Variants in SMARCA2 observed in about 807,000 individuals in gnomAD.
SMARCA2 encodes SWI/SNF related BAF chromatin remodeling complex subunit ATPase 2, also known as SWI/SNF-related matrix-associated actin-dependent regulator of chromatin subfamily A member 2.
SMARCA2 carries 61 observed loss-of-function variants against 199.8 expected under a neutral mutation model. The observed-to-expected ratio is 0.31, with a 90% CI of 0.25 to 0.38. SMARCA2 has a LOEUF of 0.38. Among genes scored for constraint, SMARCA2 ranks in the 10% least tolerant of loss-of-function variants. The pLI, the probability that SMARCA2 is intolerant of heterozygous loss-of-function variation, is 1.00. For synonymous variants in SMARCA2, 935 were observed against 732.0 expected, an observed-to-expected ratio of 1.28 and a Z score of -4.48; for missense variants, 1,344 against 2,012.2, an observed-to-expected ratio of 0.67 and a Z score of 6.35.
chr9:2,182,579 C>T (rs902204539), intron 31 of SMARCA2, among the ~76,000 whole-genome samples: 6 of 149,188 alleles, frequency 4.0e-5, no homozygotes, highest in East Asian at 2.0e-4. Context: ...TGGCAACCTC[C>T]GCCTCCCAGG....
chr9:2,176,572 C>T (rs184380037), intron 29 of SMARCA2, among the ~76,000 whole-genome samples: 11 of 151,788 alleles, frequency 7.2e-5, no homozygotes, highest in African/African-American at 2.7e-4. Context: ...GGTGTTGAGA[C>T]AACAAAGTCA....
intron 27 of SMARCA2, among the ~76,000 whole-genome samples, chr9:2,128,484 C>T (rs1823795329): frequency 6.6e-6 from 1 of 152,358 alleles, no homozygotes; most frequent in African/African-American, 2.4e-5. Flanking sequence ...TTTCTCCACA[C>T]TGTGCTAGAA....
At chr9:2,107,362 T>G (rs1822801558) in intron 23 of SMARCA2, among the ~76,000 whole-genome samples, 1 of 152,246 alleles carries the variant, frequency 6.6e-6, no homozygotes, top group African/African-American at 2.4e-5. Context: ...AGTCTCGCTC[T>G]GTCCCCCAGG....
chr9:2,161,830 C>T lies in SMARCA2; in HGVS notation c.4126C>T (p.Leu1376=). Reference sequence around the variant, plus strand: ...AAGAGGCCGCCCTCCCGCTGAGAAACTGTCACCAAATCCCCCCAAACTGAC... The same window carrying T: ...AAGAGGCCGCCCTCCCGCTGAGAAATTGTCACCAAATCCCCCCAAACTGAC... ...KRRGRPPAEK[L]SPNPPKLTKQ... Residue 1376 remains leucine, a synonymous_variant, in exon 28 of 34, where the codon CTG becomes TTG. Transcript: ENST00000349721. The surrounding 1 kb of genome is among the most constrained non-coding windows in gnomAD (Gnocchi z 4.7). The T allele has an allele frequency of 1.9e-6, 3 of 1,614,134 alleles. No individual in the cohort carries two copies. Among genetic ancestry groups the T allele is most frequent in the Non-Finnish European group, 2.5e-6 (3 of 1,179,988 alleles).
At chr9:2,183,829 TGACA>T (rs1283844148) in intron 31 of SMARCA2, among the ~76,000 whole-genome samples, 1 of 152,218 alleles carries the variant, frequency 6.6e-6, no homozygotes, top group African/African-American at 2.4e-5. Flanking sequence ...GTTTTGTGAA[TGACA>T]GACAGTTTGT....
intron 23 of SMARCA2, among the ~76,000 whole-genome samples, chr9:2,109,887 T>C (rs1242163912): frequency 6.6e-6 from 1 of 152,178 alleles, no homozygotes; most frequent in Non-Finnish European, 1.5e-5. Context: ...CACGTGTGTG[T>C]GTGTGAGAGT....
At position 2,181,692 on chromosome 9, in the gene SMARCA2, A is replaced by G; in HGVS notation, c.4359+16A>G. 8.1e-7 allele frequency: 1 copy of G among 1,233,322 alleles called. No individual in the cohort carries two copies. 76.4% of individuals were successfully genotyped at this position (1,233,322 alleles called of 1,614,324 possible). On this transcript the variant is annotated intron_variant, in intron 30 of 33. Coordinates refer to ENST00000349721, the MANE Select transcript of SMARCA2 (RefSeq NM_003070.5). ...AAAAATAAAGGTAGATATTTTGTTT[A>G]CCAACTTTATTCTTCAAGTAAATAA...
At chr9:2,102,132 AGT>A (rs71327397) in intron 22 of SMARCA2, among the ~76,000 whole-genome samples, 23,092 of 147,568 alleles carry the variant, frequency 0.16, 1,911 homozygotes, top group East Asian at 0.34. Flanking sequence ...ATTAACAGAA[AGT>A]GTGTGTGTGT....
intron 19 of SMARCA2, among the ~76,000 whole-genome samples, chr9:2,089,588 G>GA (rs1169435964): frequency 1.3e-5 from 2 of 151,894 alleles, no homozygotes; most frequent in African/African-American, 2.4e-5. Flanking sequence ...TGCATTGTCA[G>GA]AAAAAAAATT....
chr9:2,178,908 A>T (rs1826812027), intron 29 of SMARCA2, among the ~76,000 whole-genome samples: 1 of 152,198 alleles, frequency 6.6e-6, no homozygotes, highest in Non-Finnish European at 1.5e-5. Flanking sequence ...TGATGTCTGT[A>T]AGAGAACCCC....
At chr9:2,050,059 T>C (rs1329885043) in intron 5 of SMARCA2, among the ~76,000 whole-genome samples, 1 of 152,240 alleles carries the variant, frequency 6.6e-6, no homozygotes, top group East Asian at 1.9e-4. Flanking sequence ...GTTTTCAGCA[T>C]CTTAAATTTT....
intron 21 of SMARCA2, among the ~76,000 whole-genome samples, chr9:2,099,632 T>C (rs1822421500): frequency 6.6e-6 from 1 of 152,132 alleles, no homozygotes; most frequent in South Asian, 2.1e-4. Context: ...TTTGCAATTT[T>C]TTTCCCTAGA....
chr9:2,084,048 C>A (rs1821688186), intron 16 of SMARCA2, 38 bp from the exon 17 acceptor site: 4 of 1,086,110 alleles, frequency 3.7e-6, no homozygotes, highest in South Asian at 1.3e-5. Flanking sequence ...ACATATATGT[C>A]CATAGGATCA....
At chr9:2,059,989 C>A (rs1205623867) in intron 8 of SMARCA2, among the ~76,000 whole-genome samples, 9 of 151,878 alleles carry the variant, frequency 5.9e-5, no homozygotes, top group Non-Finnish European at 1.0e-4. Flanking sequence ...TTAACCTCAT[C>A]ATGTTGCTTA....
intron 19 of SMARCA2, among the ~76,000 whole-genome samples, chr9:2,094,405 C>G (rs1359119438): frequency 6.6e-6 from 1 of 152,218 alleles, no homozygotes; most frequent in Non-Finnish European, 1.5e-5. Context: ...CCTTCACCTC[C>G]AGCCCTTAGC....
chr9:2,122,134 A>G (rs1010179595), intron 26 of SMARCA2, among the ~76,000 whole-genome samples: 3 of 152,360 alleles, frequency 2.0e-5, no homozygotes, highest in Non-Finnish European at 2.9e-5. Flanking sequence ...AAACAAGTGC[A>G]TAATTTACTT....
chr9:2,123,884 C>G lies in SMARCA2; in HGVS notation c.3928C>G (p.Gln1310Glu). ...GAAAATATTTGGGAGGGGGTCCCGC[C>G]AGCGCCGTGACGTGGACTACAGTGA... is the stretch of plus-strand genomic sequence containing the variant. ...EEKIFGRGSR[Q>E]RRDVDYSDAL... The change falls in exon 27 of 34, where the codon CAG (glutamine) becomes GAG (glutamate). Residue 1310 changes from glutamine (Q) to glutamate (E), a missense_variant. By Grantham distance (29) the Gln-to-Glu change is conservative. This residue lies in a region of SMARCA2 where 63 missense variants were observed against 83.3 expected (regional missense o/e 0.76). Transcript: ENST00000349721. The surrounding 1 kb of genome is among the most constrained non-coding windows in gnomAD (Gnocchi z 4.1). The G allele has an allele frequency of 6.3e-7, 1 of 1,598,390 alleles. No individual in the cohort carries two copies. The highest frequency in any genetic ancestry group is 1.1e-5 in the South Asian group (1 of 88,422).
Position 2,116,055 on chromosome 9 carries a change from A to G in SMARCA2, c.3684+6A>G. ...AGCATGAGGAGGAAAATGAGGTATT[A>G]GAGAAAACCCCAAGTTTATGAAATC... On this transcript the variant is annotated splice_donor_region_variant and intron_variant, in intron 25 of 33. Transcript: ENST00000349721. 1 of 1,593,046 alleles carries G rather than the reference A, an allele frequency of 6.3e-7. No individual in the cohort carries two copies. The highest frequency in any genetic ancestry group is 1.1e-5 in the South Asian group (1 of 90,430).
chr9:2,125,321 C>A (rs1156929693), intron 27 of SMARCA2, among the ~76,000 whole-genome samples: 1 of 152,068 alleles, frequency 6.6e-6, no homozygotes, highest in Non-Finnish European at 1.5e-5. Flanking sequence ...TGTGAATTTT[C>A]TTTGTTTCAC....
Sources: allele counts gnomAD v4.1 joint callset (sites outside exome capture counted in the v4.1 genomes callset), GRCh38; gene constraint gnomAD v4.1.1; regional missense constraint gnomAD v4.1.1; non-coding constraint Gnocchi (gnomAD v3.1); transcripts MANE v1.5; gene names NCBI Gene and HGNC (gene_info 2026-07-23, HGNC 2026-07-21).